Variants in LRFN2 observed in about 807,000 individuals in gnomAD.
LRFN2 encodes the protein leucine rich repeat and fibronectin type III domain containing 2, also known as leucine-rich repeat and fibronectin type-III domain-containing protein 2.
Under a neutral mutation model 37.3 loss-of-function variants are expected in LRFN2, and 18 were observed. The observed-to-expected ratio is 0.48, with a 90% CI of 0.33 to 0.72. The LOEUF (loss-of-function observed/expected upper bound fraction) is 0.72, where lower values mean the gene tolerates loss of function less well. LRFN2 is among the 30% of genes least tolerant of loss of function. The pLI, the probability that LRFN2 is intolerant of heterozygous loss-of-function variation, is 0.02. For synonymous variants in LRFN2, 556 were observed against 466.6 expected, an observed-to-expected ratio of 1.19 and a Z score of -2.47; for missense variants, 1,006 against 1,060.7, an observed-to-expected ratio of 0.95 and a Z score of 0.72.
In LRFN2 at chr6:40,391,937, C is replaced by T; in HGVS notation, c.*6G>A. ...CGCACAGGAAAGGGAGCATGCCCACCCCCACCTAGACCGTGCTCTCCATCA... is the reference window on the plus strand; with the variant it reads ...CGCACAGGAAAGGGAGCATGCCCACTCCCACCTAGACCGTGCTCTCCATCA... On this transcript the variant is annotated 3_prime_UTR_variant, in exon 3 of 3. Transcript: ENST00000338305. 1.3e-6 allele frequency: 2 copies of T among 1,538,466 alleles called. No individual in the cohort carries two copies. The highest frequency in any genetic ancestry group is 2.3e-5 in the East Asian group (1 of 43,536).
intron 1 of LRFN2, among the ~76,000 whole-genome samples, chr6:40,557,223 C>T (rs901195667): frequency 3.9e-5 from 6 of 152,282 alleles, no homozygotes; most frequent in East Asian, 3.9e-4. Flanking sequence ...CCACCTTTTG[C>T]GGATTCCAAG....
chr6:40,537,294 C>G (rs1048966903), intron 1 of LRFN2, among the ~76,000 whole-genome samples: 1 of 152,212 alleles, frequency 6.6e-6, no homozygotes, highest in Non-Finnish European at 1.5e-5. Context: ...CGTAGGCCCT[C>G]AGGAATATTT....
chr6:40,533,066 T>C (rs888596194), intron 1 of LRFN2, among the ~76,000 whole-genome samples: 1 of 152,168 alleles, frequency 6.6e-6, no homozygotes, highest in Admixed American at 6.5e-5. Flanking sequence ...CAGGGCTTCT[T>C]GGGGTGTCTT....
At chr6:40,499,134 TC>T (rs1481079752) in intron 1 of LRFN2, among the ~76,000 whole-genome samples, 1 of 152,210 alleles carries the variant, frequency 6.6e-6, no homozygotes. Flanking sequence ...CTGTACATTG[TC>T]CATTCCTCTA....
At chr6:40,422,095 AG>A (rs1348904144) in intron 2 of LRFN2, among the ~76,000 whole-genome samples, 1 of 152,192 alleles carries the variant, frequency 6.6e-6, no homozygotes, top group East Asian at 1.9e-4. Context: ...GGCTCCAGTG[AG>A]CTGAAATGCA....
intron 1 of LRFN2, among the ~76,000 whole-genome samples, chr6:40,515,400 G>A (rs1278327707): frequency 2.0e-5 from 3 of 152,312 alleles, no homozygotes; most frequent in South Asian, 2.1e-4. Flanking sequence ...TATAAAAAGC[G>A]TGAGCTTGAG....
chr6:40,468,783 C>G (rs1764528660), intron 1 of LRFN2, among the ~76,000 whole-genome samples: 1 of 152,154 alleles, frequency 6.6e-6, no homozygotes, highest in Non-Finnish European at 1.5e-5. Flanking sequence ...GCCCCTTACC[C>G]CATCTCCTCA....
At chr6:40,469,361 T>C (rs764264349) in intron 1 of LRFN2, among the ~76,000 whole-genome samples, 1 of 150,576 alleles carries the variant, frequency 6.6e-6, no homozygotes, top group Non-Finnish European at 1.5e-5. Context: ...CGGTTTGTGG[T>C]CATTTGTTGC....
At chr6:40,513,234 A>ATT (rs199587651) in intron 1 of LRFN2, among the ~76,000 whole-genome samples, 11 of 144,550 alleles carry the variant, frequency 7.6e-5, no homozygotes, top group Admixed American at 1.4e-4. Context: ...TCATTTAACA[A>ATT]TTTTTTTTTT....
rs746473396 is a variant in LRFN2, at chr6:40,572,352, G to A, written c.-19+14589C>T. 6.0e-4 allele frequency among the ~76,000 whole-genome samples: 91 copies of A among 152,248 alleles called. 2 individuals carry two copies. The highest frequency in any genetic ancestry group is 4.2e-4 in the South Asian group (2 of 4,818). On this transcript the variant is annotated intron_variant, in intron 1 of 2. Transcript: ENST00000338305. ...TTTCTAGATCAGCATCAAGGGACCC[G>A]GGCCATTATCCAGTTCATTAGCCCC...
In LRFN2 at chr6:40,432,856, G is replaced by T; in HGVS notation, c.258C>A (p.Asn86Lys). 1 of 1,614,232 alleles carries T rather than the reference G, an allele frequency of 6.2e-7. No homozygotes were observed. The highest frequency in any genetic ancestry group is 8.5e-7 in the Non-Finnish European group (1 of 1,180,050). ...AAAAGGGCTGGATGTGGCTGATGGT[G>T]TTCCTGGACAGGGTCAGGTCCACCA... Reference protein sequence around the residue: ...TGLVDLTLSRNTISHIQPFSF... With the variant: ...TGLVDLTLSRKTISHIQPFSF... The change falls in exon 2 of 3, where the codon AAC becomes AAA. Residue 86 changes from asparagine (N) to lysine (K), a missense_variant. By Grantham distance (94) the Asn-to-Lys change is moderately conservative. This residue lies in a region of LRFN2 where 185 missense variants were observed against 254.9 expected (regional missense o/e 0.73). Coordinates refer to ENST00000338305, the MANE Select transcript of LRFN2 (RefSeq NM_020737.3).
At chr6:40,511,992 A>G (rs1157527568) in intron 1 of LRFN2, among the ~76,000 whole-genome samples, 1 of 152,226 alleles carries the variant, frequency 6.6e-6, no homozygotes. Flanking sequence ...GGTTTTGCAA[A>G]GATGAGCAAA....
intron 1 of LRFN2, among the ~76,000 whole-genome samples, chr6:40,449,011 C>A (rs1421042283): frequency 6.6e-6 from 1 of 152,216 alleles, no homozygotes; most frequent in Non-Finnish European, 1.5e-5. Flanking sequence ...CAGCATTGTG[C>A]TCTTCCTCTG....
chr6:40,565,589 C>T (rs559524769), intron 1 of LRFN2, among the ~76,000 whole-genome samples: 4 of 152,296 alleles, frequency 2.6e-5, no homozygotes, highest in African/African-American at 9.6e-5. Flanking sequence ...CACCTATCTA[C>T]AACCATCTGA....
chr6:40,402,250 CCT>C (rs146684022), intron 2 of LRFN2, among the ~76,000 whole-genome samples: 23,069 of 152,130 alleles, frequency 0.15, 2,123 homozygotes, highest in Admixed American at 0.27. Flanking sequence ...ATAATTATCC[CCT>C]TATTACAGAT....
chr6:40,566,769 G>A (rs1050378326), intron 1 of LRFN2, among the ~76,000 whole-genome samples: 1 of 151,700 alleles, frequency 6.6e-6, no homozygotes, highest in Non-Finnish European at 1.5e-5. Context: ...AGCATTAGGA[G>A]ATATACCTAA....
chr6:40,509,744 T>C (rs1765646315), intron 1 of LRFN2, among the ~76,000 whole-genome samples: 3 of 150,834 alleles, frequency 2.0e-5, no homozygotes, highest in South Asian at 4.2e-4. Context: ...AGTGCATGCA[T>C]GCAGGTATGC....
chr6:40,494,747 C>A (rs1462502273), intron 1 of LRFN2, among the ~76,000 whole-genome samples: 3 of 152,138 alleles, frequency 2.0e-5, no homozygotes, highest in Admixed American at 6.5e-5. Context: ...TTTCAAGCAG[C>A]CCCATGATTG....
intron 1 of LRFN2, among the ~76,000 whole-genome samples, chr6:40,474,553 G>A (rs1188481914): frequency 2.6e-5 from 4 of 152,104 alleles, no homozygotes; most frequent in South Asian, 2.1e-4. Flanking sequence ...GCGGTGGCAC[G>A]ATCTGGGCTC....
Sources: allele counts gnomAD v4.1 joint callset (sites outside exome capture counted in the v4.1 genomes callset), GRCh38; gene constraint gnomAD v4.1.1; regional missense constraint gnomAD v4.1.1; transcripts MANE v1.5; gene names NCBI Gene and HGNC (gene_info 2026-07-23, HGNC 2026-07-21).